The following EFCAB8 variants were observed in gnomAD, a reference collection of about 807,000 sequenced individuals.
The protein encoded by EFCAB8 is EF-hand calcium binding domain 8, also known as EF-hand calcium-binding domain-containing protein 8.
In EFCAB8, 100 loss-of-function variants were observed where a neutral mutation model predicts 116.3. That is an observed-to-expected ratio of 0.86 (90% CI 0.73 to 1.02). The LOEUF (loss-of-function observed/expected upper bound fraction) is 1.02. Among genes scored for constraint, EFCAB8 ranks in the 50% least tolerant of loss-of-function variants. The probability of loss-of-function intolerance (pLI) is 0.00; values close to 1 mark genes in which losing one functional copy is unlikely to be tolerated. For synonymous variants in EFCAB8, 558 were observed against 567.9 expected (o/e 0.98, Z 0.25); for missense variants, 1,320 against 1,416.9 (o/e 0.93, Z 1.10).
In EFCAB8 at chr20:32,961,511, A is replaced by G. The variant is rs1568954433; in HGVS notation, c.3769A>G (p.Thr1257Ala). The change falls in exon 27 of 27, where the codon ACC (threonine) becomes GCC (alanine). Residue 1257 changes from threonine (T) to alanine (A), a missense_variant. By Grantham distance (58) the Thr-to-Ala change is moderately conservative (BLOSUM62 0). Coordinates refer to ENST00000400522, the MANE Select transcript of EFCAB8 (RefSeq NM_001143967.2). ...CAAGTCCACCCTGCAGGGGTCAGTG[A>G]CCCCCAAGCACATTGTCTCCTCCTT... ...VSKSTLQGSV[T>A]PKHIVSSFER... 2.1e-6 allele frequency: 3 copies of G among 1,420,782 alleles called. No homozygotes were observed. 88.0% of individuals were successfully genotyped at this position (1,420,782 alleles called of 1,614,324 possible).
chr20:32,932,457 C>G (rs904963294), intron 22 of EFCAB8, among the ~76,000 whole-genome samples: 6 of 152,134 alleles, frequency 3.9e-5, no homozygotes, highest in African/African-American at 1.4e-4. Flanking sequence ...TTTAAAAAGT[C>G]AGGTAACGTA....
chr20:32,867,696 C>T lies in EFCAB8; in HGVS notation c.157C>T (p.His53Tyr). The change falls in exon 3 of 27, where the codon CAC (histidine) becomes TAC (tyrosine). Residue 53 changes from histidine to tyrosine, a missense_variant. Coordinates refer to ENST00000400522, the MANE Select transcript of EFCAB8 (RefSeq NM_001143967.2). Reference sequence around the variant, plus strand: ...TGGGTCCCAGCTGTTTACTGAGATACACCTGGCCAAGATAGAGAAAATGTT... The same window carrying T: ...TGGGTCCCAGCTGTTTACTGAGATATACCTGGCCAAGATAGAGAAAATGTT... ...QPGSQLFTEIHLAKIEKMFEE... is the reference protein window; with the variant it reads ...QPGSQLFTEIYLAKIEKMFEE... 3 of 1,551,692 alleles carry T rather than the reference C, an allele frequency of 1.9e-6. No individual in the cohort carries two copies. The highest frequency in any genetic ancestry group is 2.6e-6 in the Non-Finnish European group (3 of 1,146,988).
intron 5 of EFCAB8, among the ~76,000 whole-genome samples, chr20:32,882,832 A>G (rs1023757656): frequency 1.3e-5 from 2 of 151,978 alleles, no homozygotes; most frequent in Admixed American, 1.3e-4. Flanking sequence ...AGTAGCTGGG[A>G]CTACAGGCGC....
intron 11 of EFCAB8, among the ~76,000 whole-genome samples, chr20:32,905,566 C>A (rs1435052404): frequency 6.6e-6 from 1 of 151,996 alleles, no homozygotes; most frequent in Non-Finnish European, 1.5e-5. Flanking sequence ...TCCAGACCAG[C>A]CTGGCCAACA....
Position 32,918,360 on chromosome 20 carries a change from A to C in EFCAB8, c.2062-2A>C. ...TTAGGGGCTGCTTTCTTCTTGGTAC[A>C]GGTGCAAGATGTGAACAACTGCCTG... On this transcript the variant is annotated splice_acceptor_variant, in intron 18 of 26. Coordinates refer to ENST00000400522, the MANE Select transcript of EFCAB8 (RefSeq NM_001143967.2). LOFTEE classifies it high-confidence loss of function. 6.4e-7 allele frequency: 1 copy of C among 1,551,746 alleles called. No individual in the cohort carries two copies. Among genetic ancestry groups the C allele is most frequent in the Non-Finnish European group, 8.7e-7 (1 of 1,146,990 alleles).
At chr20:32,926,458 A>T in intron 20 of EFCAB8, among the ~76,000 whole-genome samples, 2 of 149,354 alleles carry the variant, frequency 1.3e-5, no homozygotes. Flanking sequence ...AAACCTTGCA[A>T]TTTGTGGTGG....
At chr20:32,885,918 C>T (rs1245631920) in intron 6 of EFCAB8, among the ~76,000 whole-genome samples, 1 of 152,218 alleles carries the variant, frequency 6.6e-6, no homozygotes, top group Non-Finnish European at 1.5e-5. Context: ...CTGTCCCTGC[C>T]CACCAGGTTT....
chr20:32,951,371 C>T (rs1289072355), intron 23 of EFCAB8, among the ~76,000 whole-genome samples: 3 of 152,194 alleles, frequency 2.0e-5, no homozygotes, highest in African/African-American at 7.2e-5. Context: ...CGTTATACAA[C>T]GTGGTTGGAT....
intron 3 of EFCAB8, among the ~76,000 whole-genome samples, chr20:32,868,182 C>T (rs534788317): frequency 1.3e-5 from 2 of 152,162 alleles, no homozygotes; most frequent in African/African-American, 2.4e-5. Context: ...CCTTGGCCCC[C>T]GGAGTAGCTG....
At chr20:32,943,913 C>T (rs1002318869) in intron 23 of EFCAB8, 109 bp downstream of exon 23, 2 of 408,346 alleles carry the variant, frequency 4.9e-6, no homozygotes, top group African/African-American at 2.1e-5. Flanking sequence ...GACTCTCAGG[C>T]CACAGCAACT....
chr20:32,917,425 C>T lies in EFCAB8; in HGVS notation c.1981C>T (p.Leu661Phe). Residue 661 changes from leucine (L) to phenylalanine (F), a missense_variant, in exon 18 of 27, where the codon CTC becomes TTC. Coordinates refer to ENST00000400522, the MANE Select transcript of EFCAB8 (RefSeq NM_001143967.2). ...GACCTCCTCCTACAGTGGGGACATC[C>T]TCTTCTGGAACACCGGCACACTCAA... Reference protein sequence around the residue: ...LGTSSYSGDILFWNTGTLKPI... With the variant: ...LGTSSYSGDIFFWNTGTLKPI... 6.4e-7 allele frequency: 1 copy of T among 1,552,118 alleles called. No homozygotes were observed. The highest frequency in any genetic ancestry group is 8.7e-7 in the Non-Finnish European group (1 of 1,147,074).
intron 20 of EFCAB8, among the ~76,000 whole-genome samples, chr20:32,923,929 T>TA (rs896950997): frequency 6.6e-6 from 1 of 152,224 alleles, no homozygotes; most frequent in African/African-American, 2.4e-5. Context: ...TTTCCAGATA[T>TA]AAAACTCTAG....
At chr20:32,940,406 A>G (rs1427902543) in intron 22 of EFCAB8, among the ~76,000 whole-genome samples, 1 of 149,720 alleles carries the variant, frequency 6.7e-6, no homozygotes, top group Non-Finnish European at 1.5e-5. Flanking sequence ...TTAGACTCCT[A>G]CCTCATAACA....
Position 32,909,950 on chromosome 20 carries a change from G to A in EFCAB8, c.1557+19G>A, listed in dbSNP as rs1471198660. On this transcript the variant is annotated intron_variant, in intron 15 of 26. Coordinates refer to ENST00000400522, the MANE Select transcript of EFCAB8 (RefSeq NM_001143967.2). ...TAAGCAGGTGAGTGGCCCAGGGCTCGCCTCTGAGGCTGGCGGGAACACCAG... is the reference window on the plus strand; with the variant it reads ...TAAGCAGGTGAGTGGCCCAGGGCTCACCTCTGAGGCTGGCGGGAACACCAG... 11 of 1,221,556 alleles carry A rather than the reference G, an allele frequency of 9.0e-6. No individual in the cohort carries two copies. Among genetic ancestry groups the A allele is most frequent in the Non-Finnish European group, 1.1e-5 (11 of 963,610 alleles). The allele number at this position is 1,221,556 out of a possible 1,614,324, so 75.7% of individuals were successfully genotyped here.
intron 23 of EFCAB8, among the ~76,000 whole-genome samples, chr20:32,948,801 A>C (rs1018954938): frequency 6.6e-6 from 1 of 152,214 alleles, no homozygotes; most frequent in African/African-American, 2.4e-5. Context: ...ATTTGACAAA[A>C]TTCAACATCC....
intron 10 of EFCAB8, among the ~76,000 whole-genome samples, chr20:32,898,175 A>G (rs1397891365): frequency 1.3e-5 from 2 of 152,234 alleles, no homozygotes; most frequent in Non-Finnish European, 2.9e-5. Flanking sequence ...GCCTGGACAG[A>G]CTTGAATTCA....
Position 32,885,516 on chromosome 20 carries a change from G to A in EFCAB8, c.443G>A (p.Cys148Tyr). ...PMTVVPLNHG[C>Y]EVVKVVFLIH... ...ATCGCCTCCCACAGGAACCATGGCT[G>A]TGAGGTGGTGAAGGTGGTGTTTTTA... The change falls in exon 6 of 27, where the codon TGT becomes TAT. Residue 148 changes from cysteine (C) to tyrosine (Y), a missense_variant. Cys to Tyr is a radical substitution (Grantham distance 194). Transcript: ENST00000400522. 1.3e-6 allele frequency: 2 copies of A among 1,551,794 alleles called. No individual in the cohort carries two copies. The highest frequency in any genetic ancestry group is 1.7e-6 in the Non-Finnish European group (2 of 1,147,012).
chr20:32,909,527 T>C (rs994953480), intron 14 of EFCAB8, among the ~76,000 whole-genome samples: 12 of 152,074 alleles, frequency 7.9e-5, no homozygotes, highest in Non-Finnish European at 1.5e-4. Context: ...AGGGAACACC[T>C]GATTGAGGCT....
intron 11 of EFCAB8, 150 bp from the exon 12 acceptor site, chr20:32,906,412 A>G (rs1986675825): frequency 1.6e-6 from 1 of 619,228 alleles, no homozygotes; most frequent in South Asian, 1.9e-5. Flanking sequence ...CTCTGGGGCT[A>G]CTCCTCTCCT....
Sources: gnomAD v4.1 joint callset for allele counts (sites outside exome capture counted in the v4.1 genomes callset) on GRCh38, gnomAD v4.1.1 for gene constraint, MANE v1.5 for transcripts, NCBI Gene and HGNC (gene_info 2026-07-23, HGNC 2026-07-21) for gene names.